The following BTBD1 variants were observed in gnomAD, a reference collection of about 807,000 sequenced individuals.
The protein encoded by BTBD1 is BTB domain containing 1.
Under a neutral mutation model 48.0 loss-of-function variants are expected in BTBD1, and 34 were observed. The ratio of observed to expected loss-of-function variants is 0.71; its 90% CI spans 0.54 to 0.94. The LOEUF is 0.94. Ranked by LOEUF, BTBD1 falls within the 40% of genes least tolerant of loss-of-function variation. The pLI, the probability that BTBD1 is intolerant of heterozygous loss-of-function variation, is 0.00. For missense variants in BTBD1, 543 were observed against 625.6 expected, an observed-to-expected ratio of 0.87 and a Z score of 1.41; for synonymous variants, 261 against 242.1, an observed-to-expected ratio of 1.08 and a Z score of -0.72.
chr15:83,065,033 T>A lies in BTBD1; in HGVS notation c.401+1718A>T, dbSNP rs556944281. Among the ~76,000 whole-genome samples the A allele has an allele frequency of 2.6e-5, 4 of 152,348 alleles. No homozygotes were observed. The South Asian group carries it at 8.3e-4, about 32-fold the overall frequency. On this transcript the variant is annotated intron_variant, in intron 1 of 7. Transcript: ENST00000261721. The stretch of plus-strand genomic sequence containing the variant: ...TATGTTTGTTCCATGTCTTTTCACG[T>A]TGTAACCATGGTGCAGTTTCAAGTG...
intron 4 of BTBD1, among the ~76,000 whole-genome samples, chr15:83,032,010 C>T (rs1040508952): frequency 6.6e-6 from 1 of 152,118 alleles, no homozygotes; most frequent in Non-Finnish European, 1.5e-5. Context: ...CTAAGGAAAA[C>T]AGTATGGAGA....
At chr15:83,045,308 A>G (rs1249609763) in intron 3 of BTBD1, among the ~76,000 whole-genome samples, 6 of 152,136 alleles carry the variant, frequency 3.9e-5, no homozygotes, top group Admixed American at 1.3e-4. Context: ...CACCCTGGCC[A>G]ACAGGATGAA....
chr15:83,031,267 G>A (rs577121731), intron 4 of BTBD1, among the ~76,000 whole-genome samples: 12 of 152,250 alleles, frequency 7.9e-5, no homozygotes, highest in African/African-American at 2.9e-4. Context: ...TTTGCATTTT[G>A]CTGATGGCCA....
At chr15:83,065,595 A>AT (rs2033252940) in intron 1 of BTBD1, among the ~76,000 whole-genome samples, 1 of 152,196 alleles carries the variant, frequency 6.6e-6, no homozygotes, top group African/African-American at 2.4e-5. Context: ...TGCCATTTTA[A>AT]TAACAACACG....
intron 5 of BTBD1, among the ~76,000 whole-genome samples, chr15:83,028,423 C>T (rs920893853): frequency 2.6e-5 from 4 of 152,138 alleles, no homozygotes; most frequent in Non-Finnish European, 5.9e-5. Flanking sequence ...TGTTATTCTT[C>T]GAAGGTACAG....
At chr15:83,038,150 GA>G (rs1261153072) in intron 4 of BTBD1, among the ~76,000 whole-genome samples, 4 of 152,110 alleles carry the variant, frequency 2.6e-5, no homozygotes, top group African/African-American at 9.7e-5. Context: ...TAAAGCCTCA[GA>G]ATATAAAATT....
chr15:83,041,043 T>C (rs2032745385), intron 4 of BTBD1, among the ~76,000 whole-genome samples: 1 of 151,684 alleles, frequency 6.6e-6, no homozygotes, highest in Admixed American at 6.6e-5. Context: ...TCCCTGCTAT[T>C]TGGGAGGCTG....
intron 3 of BTBD1, among the ~76,000 whole-genome samples, chr15:83,043,061 C>T (rs952570885): frequency 3.9e-5 from 6 of 152,094 alleles, no homozygotes; most frequent in African/African-American, 1.4e-4. Context: ...CAGGATCACT[C>T]GAGCCTGGGA....
chr15:83,029,811 A>C, intron 5 of BTBD1: 1 of 251,380 alleles, frequency 4.0e-6, no homozygotes, highest in Non-Finnish European at 7.6e-6. Context: ...CGGAGGTTGC[A>C]GTGTGAGAGA....
chr15:83,059,523 C>A (rs1457575169), intron 1 of BTBD1, among the ~76,000 whole-genome samples: 1 of 152,158 alleles, frequency 6.6e-6, no homozygotes, highest in Non-Finnish European at 1.5e-5. Context: ...CCAGCCTGGG[C>A]GACAGAGCAA....
chr15:83,029,907 A>G (rs2032482862), intron 5 of BTBD1: 1 of 545,824 alleles, frequency 1.8e-6, no homozygotes, highest in Non-Finnish European at 3.2e-6. Flanking sequence ...GGTCCAACCC[A>G]ATCCTTTCTT....
intron 4 of BTBD1, among the ~76,000 whole-genome samples, chr15:83,037,216 C>T (rs2032646797): frequency 6.6e-6 from 1 of 151,934 alleles, no homozygotes; most frequent in African/African-American, 2.4e-5. Context: ...CAACAAAAGA[C>T]ATGAATAATG....
rs398028150 is a variant in BTBD1 at position 83,052,797 on chromosome 15, A to ATTTTTTTTTTT, written c.559-2630_559-2620dup. On this transcript the variant is annotated intron_variant, in intron 2 of 7. Coordinates refer to ENST00000261721, the MANE Select transcript of BTBD1 (RefSeq NM_025238.4). Reference sequence around the variant, plus strand: ...AGGCGCCCACCACCTCGCCCGGCTAATTTTTTTTTTTTTTTTTTTTTTTTA... The same window carrying ATTTTTTTTTTT: ...AGGCGCCCACCACCTCGCCCGGCTAATTTTTTTTTTTTTTTTTTTTTTTTTTTTTTTTTTTA... Among the ~76,000 whole-genome samples the ATTTTTTTTTTT allele has an allele frequency of 7.8e-4, 74 of 94,534 alleles. 3 individuals carry two copies. Among genetic ancestry groups the ATTTTTTTTTTT allele is most frequent in the Non-Finnish European group, 1.3e-3 (64 of 49,282 alleles). 62.0% of individuals were successfully genotyped at this position (94,534 alleles called of 152,430 possible).
chr15:83,049,730 T>C (rs1461331190), intron 3 of BTBD1, among the ~76,000 whole-genome samples: 1 of 152,178 alleles, frequency 6.6e-6, no homozygotes, highest in Non-Finnish European at 1.5e-5. Context: ...TTTTAAATCT[T>C]AATTTTCAAA....
At chr15:83,064,597 T>C (rs563515197) in intron 1 of BTBD1, among the ~76,000 whole-genome samples, 165 of 152,262 alleles carry the variant, frequency 1.1e-3, no homozygotes, top group African/African-American at 3.4e-3. Context: ...AAAATAGTTT[T>C]AGATTTGTGG....
intron 6 of BTBD1, chr15:83,019,969 CAAAAAAAAAAAAAAA>C (rs71156066): frequency 1.6e-4 from 7 of 42,844 alleles, no homozygotes; most frequent in African/African-American, 3.1e-4. Context: ...GACTCCATCT[CAAAAAAAAAAAAAAA>C]AAAAAAAAAA....
At chr15:83,038,952 T>C (rs147659804) in intron 4 of BTBD1, among the ~76,000 whole-genome samples, 87 of 152,224 alleles carry the variant, frequency 5.7e-4, no homozygotes, top group African/African-American at 2.0e-3. Context: ...TAGGAAATAC[T>C]TTTCTGGACA....
At chr15:83,066,374 C>G (rs913277628) in intron 1 of BTBD1, among the ~76,000 whole-genome samples, 15 of 152,112 alleles carry the variant, frequency 9.9e-5, no homozygotes, top group Non-Finnish European at 2.2e-4. Context: ...TACTCTCTTC[C>G]CCCAAACAAA....
chr15:83,056,058 C>T (rs555317066), intron 2 of BTBD1, among the ~76,000 whole-genome samples: 26 of 151,386 alleles, frequency 1.7e-4, no homozygotes, highest in Non-Finnish European at 2.1e-4. Flanking sequence ...TACAAGCCCG[C>T]GCCACCACAG....
Sources: allele counts gnomAD v4.1 joint callset (sites outside exome capture counted in the v4.1 genomes callset), GRCh38; gene constraint gnomAD v4.1.1; transcripts MANE v1.5; gene names NCBI Gene and HGNC (gene_info 2026-07-23, HGNC 2026-07-21).